SOCS5: variants seen among roughly 807,000 people sequenced by gnomAD.
SOCS5 encodes suppressor of cytokine signaling 5.
Under a neutral mutation model 42.8 loss-of-function variants are expected in SOCS5, and 32 were observed. The ratio of observed to expected loss-of-function variants is 0.75; its 90% CI spans 0.56 to 1.01. The LOEUF is 1.01. Ranked by LOEUF, SOCS5 falls within the 50% of genes least tolerant of loss-of-function variation. SOCS5 has a pLI of 0.00. For missense variants in SOCS5, 627 were observed against 653.0 expected (o/e 0.96, Z 0.43); for synonymous variants, 283 against 229.6 (o/e 1.23, Z -2.10).
At chr2:46,722,109 C>A (rs1029891313) in intron 1 of SOCS5, among the ~76,000 whole-genome samples, 8 of 151,760 alleles carry the variant, frequency 5.3e-5, no homozygotes, top group African/African-American at 1.7e-4. Context: ...CTCTTTTTTA[C>A]ATGGTGATAT....
intron 1 of SOCS5, among the ~76,000 whole-genome samples, chr2:46,745,526 T>G (rs1413896509): frequency 6.6e-6 from 1 of 152,196 alleles, no homozygotes; most frequent in Non-Finnish European, 1.5e-5. Flanking sequence ...GAGAGGAGTA[T>G]GATCAGAATT....
chr2:46,738,866 A>G (rs994926241), intron 1 of SOCS5, among the ~76,000 whole-genome samples: 2 of 152,230 alleles, frequency 1.3e-5, no homozygotes, highest in African/African-American at 4.8e-5. Context: ...CAGTCAAATA[A>G]GAGAGCTAGT....
chr2:46,711,566 C>A (rs1285163636), intron 1 of SOCS5, among the ~76,000 whole-genome samples: 2 of 152,160 alleles, frequency 1.3e-5, no homozygotes, highest in African/African-American at 4.8e-5. Flanking sequence ...CAGTCTGTGG[C>A]TTGACTGTTC....
chr2:46,749,024 C>T (rs1244004969), intron 1 of SOCS5, among the ~76,000 whole-genome samples: 1 of 152,148 alleles, frequency 6.6e-6, no homozygotes, highest in Non-Finnish European at 1.5e-5. Flanking sequence ...TATTTAACCA[C>T]CTTTTATATT....
chr2:46,741,043 A>G (rs1673363241), intron 1 of SOCS5, among the ~76,000 whole-genome samples: 1 of 152,086 alleles, frequency 6.6e-6, no homozygotes, highest in South Asian at 2.1e-4. Flanking sequence ...GGAGACCTGT[A>G]TTTGCGATTC....
At chr2:46,707,945 G>A (rs1193275303) in intron 1 of SOCS5, among the ~76,000 whole-genome samples, 3 of 152,238 alleles carry the variant, frequency 2.0e-5, no homozygotes, top group Non-Finnish European at 4.4e-5. Context: ...CATCTAACAC[G>A]AAGTCTGTTT....
intron 1 of SOCS5, among the ~76,000 whole-genome samples, chr2:46,754,586 G>C (rs972814577): frequency 6.6e-6 from 1 of 151,852 alleles, no homozygotes; most frequent in African/African-American, 2.4e-5. Flanking sequence ...CTAGATTAGA[G>C]GACTGCACCT....
intron 1 of SOCS5, among the ~76,000 whole-genome samples, chr2:46,708,880 C>CTTTT (rs145238668): frequency 1.4e-4 from 9 of 63,264 alleles, no homozygotes; most frequent in South Asian, 6.6e-4. Context: ...ATCCTGAAGC[C>CTTTT]TTTTTTTTTT....
At position 46,760,006 on chromosome 2, in the gene SOCS5, C is replaced by T. The variant is rs61740036; in HGVS notation, c.1476C>T (p.Ile492=). The change falls in exon 2 of 2, where the codon ATC becomes ATT. Residue 492 remains isoleucine, a synonymous_variant. Transcript: ENST00000394861. Reference sequence around the variant, plus strand: ...TGCAGTATATCTGTCGCGCGGTAATCTGCAGGTGCACTACGTATGATGGAA... The same window carrying T: ...TGCAGTATATCTGTCGCGCGGTAATTTGCAGGTGCACTACGTATGATGGAA... ...FSLQYICRAV[I]CRCTTYDGID... The T allele has an allele frequency of 4.9e-4, 783 of 1,614,176 alleles. 6 individuals carry two copies. In the African/African-American group the frequency reaches 9.4e-3, roughly 19 times the overall value.
At chr2:46,718,731 GA>G (rs1265581523) in intron 1 of SOCS5, among the ~76,000 whole-genome samples, 3 of 152,114 alleles carry the variant, frequency 2.0e-5, no homozygotes, top group African/African-American at 7.2e-5. Context: ...CTAGGCTTAA[GA>G]AATAAGATTA....
At chr2:46,740,741 C>T (rs537615966) in intron 1 of SOCS5, among the ~76,000 whole-genome samples, 7 of 152,082 alleles carry the variant, frequency 4.6e-5, no homozygotes, top group Admixed American at 3.3e-4. Context: ...CCACTGCCTA[C>T]TGCTCCTCTT....
At chr2:46,718,743 C>T (rs1020414863) in intron 1 of SOCS5, among the ~76,000 whole-genome samples, 14 of 152,060 alleles carry the variant, frequency 9.2e-5, no homozygotes, top group African/African-American at 3.1e-4. Context: ...AATAAGATTA[C>T]AGAAAAAGCC....
At chr2:46,744,756 G>C (rs971403195) in intron 1 of SOCS5, among the ~76,000 whole-genome samples, 3 of 151,712 alleles carry the variant, frequency 2.0e-5, no homozygotes, top group African/African-American at 7.3e-5. Flanking sequence ...TCAAACTCCT[G>C]ACCTCCGGTG....
chr2:46,720,506 T>C (rs1026666858), intron 1 of SOCS5, among the ~76,000 whole-genome samples: 9 of 152,240 alleles, frequency 5.9e-5, no homozygotes, highest in Non-Finnish European at 1.0e-4. Context: ...AGTATTTGCT[T>C]TTCCAATTTG....
chr2:46,727,772 T>A (rs1376666068), intron 1 of SOCS5, among the ~76,000 whole-genome samples: 1 of 152,116 alleles, frequency 6.6e-6, no homozygotes, highest in Non-Finnish European at 1.5e-5. Context: ...ATAATCAACT[T>A]TATGGATTCA....
intron 1 of SOCS5, among the ~76,000 whole-genome samples, chr2:46,712,519 T>A (rs1483031554): frequency 6.6e-6 from 1 of 152,108 alleles, no homozygotes. Context: ...AATTTTTGTA[T>A]TTTTAGTAAA....
chr2:46,731,730 G>A (rs1025389615), intron 1 of SOCS5, among the ~76,000 whole-genome samples: 9 of 152,180 alleles, frequency 5.9e-5, no homozygotes, highest in African/African-American at 1.2e-4. Context: ...ATCACCAAGT[G>A]TAGGGAGAAA....
intron 1 of SOCS5, among the ~76,000 whole-genome samples, chr2:46,706,980 T>C (rs1372813315): frequency 6.6e-6 from 1 of 152,218 alleles, no homozygotes; most frequent in Non-Finnish European, 1.5e-5. Flanking sequence ...TAAGTATATG[T>C]AAAAATGCTT....
intron 1 of SOCS5, among the ~76,000 whole-genome samples, chr2:46,749,956 T>G (rs1274869720): frequency 6.6e-6 from 1 of 152,182 alleles, no homozygotes; most frequent in East Asian, 1.9e-4. Context: ...CTGGTAACAT[T>G]TTTAAAACCT....
Sources: gnomAD v4.1 joint callset for allele counts (sites outside exome capture counted in the v4.1 genomes callset) on GRCh38, gnomAD v4.1.1 for gene constraint, MANE v1.5 for transcripts, NCBI Gene and HGNC (gene_info 2026-07-23, HGNC 2026-07-21) for gene names.